PSMD9: variants seen among roughly 807,000 people sequenced by gnomAD.
PSMD9 encodes the protein proteasome 26S subunit, non-ATPase 9.
PSMD9 carries 26 observed loss-of-function variants against 25.9 expected under a neutral mutation model. The ratio of observed to expected loss-of-function variants is 1.00; its 90% CI spans 0.73 to 1.39. The LOEUF is 1.39. PSMD9 is among the 40% of genes most tolerant of loss of function. PSMD9 has a pLI of 0.00. For missense variants in PSMD9, 303 were observed against 299.3 expected (o/e 1.01, Z -0.09); for synonymous variants, 110 against 114.5 (o/e 0.96, Z 0.25).
chr12:121,903,752 C>CTTTTT lies in PSMD9; in HGVS notation c.555+661_555+665dup, dbSNP rs11300031. Among the ~76,000 whole-genome samples, 19 of 123,484 alleles carry CTTTTT rather than the reference C, an allele frequency of 1.5e-4. No individual in the cohort carries two copies. The South Asian group carries it at 3.4e-3, about 22-fold the overall frequency. The allele number at this position is 123,484 out of a possible 152,430, so 81.0% of individuals were successfully genotyped here. Reference sequence around the variant, plus strand: ...TAACAAGGTTTCTTAGAGATCTTTTCTTTTTTTTTTTTTTTTTTTTAAGAC... The same window carrying CTTTTT: ...TAACAAGGTTTCTTAGAGATCTTTTCTTTTTTTTTTTTTTTTTTTTTTTTTAAGAC... On this transcript the variant is annotated intron_variant, in intron 4 of 5. Transcript: ENST00000541212.
intron 4 of PSMD9, among the ~76,000 whole-genome samples, chr12:121,909,258 C>A (rs1177742524): frequency 1.3e-5 from 2 of 151,724 alleles, no homozygotes; most frequent in Non-Finnish European, 2.9e-5. Context: ...TGGAAGCACA[C>A]AAGTGTGTCC....
intron 4 of PSMD9, among the ~76,000 whole-genome samples, chr12:121,913,493 CT>C (rs771986462): frequency 0.015 from 2,040 of 134,684 alleles, 20 homozygotes; most frequent in African/African-American, 0.024. Flanking sequence ...TTTCTTTTTT[CT>C]TTTTTTTTTT....
At chr12:121,911,691 C>G (rs908559835) in intron 4 of PSMD9, among the ~76,000 whole-genome samples, 1 of 145,986 alleles carries the variant, frequency 6.8e-6, no homozygotes, top group African/African-American at 2.5e-5. Flanking sequence ...GAGTCTTGCT[C>G]TCACCCAGGC....
At chr12:121,916,105 C>A in intron 5 of PSMD9, 161 bp downstream of exon 5, 2 of 1,151,844 alleles carry the variant, frequency 1.7e-6, no homozygotes, top group Non-Finnish European at 2.6e-6. Context: ...GAGACTACAG[C>A]TCTAGAAGCA....
At chr12:121,895,820 G>A (rs769830700) in intron 2 of PSMD9, among the ~76,000 whole-genome samples, 1 of 152,190 alleles carries the variant, frequency 6.6e-6, no homozygotes, top group African/African-American at 2.4e-5. Context: ...CTTTTGCCAT[G>A]TAAGGTGGCA....
At chr12:121,895,810 CTT>C (rs1879212620) in intron 2 of PSMD9, among the ~76,000 whole-genome samples, 1 of 152,208 alleles carries the variant, frequency 6.6e-6, no homozygotes, top group African/African-American at 2.4e-5. Context: ...TGCAGAGCCT[CTT>C]TTGCCATGTA....
intron 5 of PSMD9, 75 bp from the exon 6 acceptor site, chr12:121,916,209 T>G: frequency 6.4e-7 from 1 of 1,561,902 alleles, no homozygotes; most frequent in Non-Finnish European, 8.8e-7. Flanking sequence ...GGTGAAAAGG[T>G]CAGAAGGGCT....
In PSMD9 at chr12:121,917,935, G is replaced by A. The variant is rs1404383396; in HGVS notation, c.*1624G>A. 1 of 152,184 alleles carries A rather than the reference G, an allele frequency of 6.6e-6. No homozygotes were observed. Among genetic ancestry groups the A allele is most frequent in the African/African-American group, 2.4e-5 (1 of 41,446 alleles). 9.4% of individuals were successfully genotyped at this position (152,184 alleles called of 1,614,324 possible). ...CCATCACTGGGGCATGGCAGTGTGG[G>A]CGGGGAGAATTATTCACATTCTCCT... On this transcript the variant is annotated 3_prime_UTR_variant, in exon 6 of 6. Transcript: ENST00000541212.
Position 121,888,862 on chromosome 12 carries a change from C to G in PSMD9, c.6C>G (p.Ser2=). The stretch of plus-strand genomic sequence containing the variant: ...GTCGCGGCCCGGGGTTCACGATGTC[C>G]GACGAGGAAGCGAGGCAGAGCGGAG... M[S]DEEARQSGGS... The change falls in exon 1 of 6, where the codon TCC becomes TCG. Residue 2 remains serine, a synonymous_variant. Transcript: ENST00000541212. 1 of 1,603,542 alleles carries G rather than the reference C, an allele frequency of 6.2e-7. No individual in the cohort carries two copies. Among genetic ancestry groups the G allele is most frequent in the Admixed American group, 1.7e-5 (1 of 58,546 alleles).
At chr12:121,912,868 CAAAAAAAAA>C (rs35325016) in intron 4 of PSMD9, among the ~76,000 whole-genome samples, 1 of 85,792 alleles carries the variant, frequency 1.2e-5, no homozygotes, top group Non-Finnish European at 2.2e-5. Flanking sequence ...AACCCTGTCT[CAAAAAAAAA>C]AAAAAAAAAA....
At chr12:121,909,540 A>G (rs576136498) in intron 4 of PSMD9, among the ~76,000 whole-genome samples, 1 of 151,532 alleles carries the variant, frequency 6.6e-6, no homozygotes, top group East Asian at 1.9e-4. Flanking sequence ...AGGCCGGTCT[A>G]GAACTCCTGG....
At chr12:121,896,951 A>C (rs573874579) in intron 2 of PSMD9, among the ~76,000 whole-genome samples, 3 of 152,102 alleles carry the variant, frequency 2.0e-5, no homozygotes, top group South Asian at 4.2e-4. Context: ...ACATGTGTAT[A>C]TATCTACACA....
chr12:121,905,765 C>T (rs180724895), intron 4 of PSMD9, among the ~76,000 whole-genome samples: 2 of 151,948 alleles, frequency 1.3e-5, no homozygotes, highest in South Asian at 2.1e-4. Flanking sequence ...CTCCTAACCT[C>T]AGGTGATCCA....
Position 121,903,068 on chromosome 12 carries a change from A to G in PSMD9, c.516A>G (p.Ser172=). Residue 172 remains serine, a synonymous_variant, in exon 4 of 6, where the codon TCA becomes TCG. Transcript: ENST00000541212. ...CTGTGAACACCCAGAACTTCCAGTCACTGCATAACATTGGCAGTGTGGTGC... is the reference window on the plus strand; with the variant it reads ...CTGTGAACACCCAGAACTTCCAGTCGCTGCATAACATTGGCAGTGTGGTGC... The part of the protein sequence containing the change: ...FGSVNTQNFQ[S]LHNIGSVVQH... 6.2e-7 allele frequency: 1 copy of G among 1,614,116 alleles called. No individual in the cohort carries two copies. Among genetic ancestry groups the G allele is most frequent in the South Asian group, 1.1e-5 (1 of 91,082 alleles).
Position 121,894,775 on chromosome 12 carries a change from T to A in PSMD9, c.175T>A (p.Cys59Ser). 1 of 1,614,156 alleles carries A rather than the reference T, an allele frequency of 6.2e-7. No individual in the cohort carries two copies. The change falls in exon 2 of 6, where the codon TGT (cysteine) becomes AGT (serine). Residue 59 changes from cysteine (C) to serine (S), a missense_variant. Transcript: ENST00000541212. The part of the protein sequence containing the change: ...GIGMNEPLVD[C>S]EGYPRSDVDL... Reference sequence around the variant, plus strand: ...TGGGATGAACGAGCCGCTGGTGGACTGTGAGGGCTACCCCCGGTCAGACGT... The same window carrying A: ...TGGGATGAACGAGCCGCTGGTGGACAGTGAGGGCTACCCCCGGTCAGACGT...
Position 121,899,747 on chromosome 12 carries a change from G to T in PSMD9, c.355G>T (p.Ala119Ser). ...GGACATGGCTGAGGCCCACAAAGAG[G>T]CCATGAGCCGCAAACTGGGTCAGAG... ...ARDMAEAHKE[A>S]MSRKLGQSES... Residue 119 changes from alanine to serine, a missense_variant, in exon 3 of 6, where the codon GCC becomes TCC. Physicochemically the swap from Ala to Ser is moderately conservative, Grantham distance 99. Coordinates refer to ENST00000541212, the MANE Select transcript of PSMD9 (RefSeq NM_002813.7). 2 of 1,614,088 alleles carry T rather than the reference G, an allele frequency of 1.2e-6. No homozygotes were observed. Among genetic ancestry groups the T allele is most frequent in the Non-Finnish European group, 1.7e-6 (2 of 1,179,962 alleles).
At chr12:121,894,999 T>C in intron 2 of PSMD9, among the ~76,000 whole-genome samples, 158 bp downstream of exon 2, 1 of 152,146 alleles carries the variant, frequency 6.6e-6, no homozygotes, top group Non-Finnish European at 1.5e-5. Context: ...GGGAATGGGC[T>C]AGACTCTAAG....
intron 4 of PSMD9, 89 bp downstream of exon 4, chr12:121,903,196 T>C (rs1404767402): frequency 2.5e-6 from 3 of 1,183,834 alleles, no homozygotes; most frequent in Non-Finnish European, 3.7e-6. Context: ...CAGAAGTTCA[T>C]TTTTCACAGC....
chr12:121,905,139 G>A (rs1879516140), intron 4 of PSMD9, among the ~76,000 whole-genome samples: 1 of 151,558 alleles, frequency 6.6e-6, no homozygotes, highest in Non-Finnish European at 1.5e-5. Flanking sequence ...GCTGCCAGTT[G>A]ATTTTATTTT....
Sources: gnomAD v4.1 joint callset for allele counts (sites outside exome capture counted in the v4.1 genomes callset) on GRCh38, gnomAD v4.1.1 for gene constraint, MANE v1.5 for transcripts, NCBI Gene and HGNC (gene_info 2026-07-23, HGNC 2026-07-21) for gene names.